Variants in DHTKD1 observed in about 807,000 individuals in gnomAD.
DHTKD1 encodes 2-oxoadipate dehydrogenase complex component E1.
DHTKD1 carries 78 observed loss-of-function variants against 101.8 expected under a neutral mutation model. That is an observed-to-expected ratio of 0.77 (90% CI 0.64 to 0.93). DHTKD1 has a LOEUF of 0.93. Among genes scored for constraint, DHTKD1 ranks in the 40% least tolerant of loss-of-function variants. DHTKD1 has a pLI of 0.00. For synonymous variants in DHTKD1, 462 were observed against 450.3 expected, an observed-to-expected ratio of 1.03 and a Z score of -0.33; for missense variants, 1,223 against 1,161.7, an observed-to-expected ratio of 1.05 and a Z score of -0.77.
chr10:12,107,286 G>A lies in DHTKD1; in HGVS notation c.2048-623G>A, dbSNP rs920695440. ...CGGGTGTGAGCCACTGTGCCCGGCC[G>A]GGAGCTGCCCATTCTTGTAAGAGTG... is the stretch of plus-strand genomic sequence containing the variant. On this transcript the variant is annotated intron_variant, in intron 11 of 16. Transcript: ENST00000263035. The surrounding 1 kb of genome is among the most constrained non-coding windows in gnomAD (Gnocchi z 4.1). Among the ~76,000 whole-genome samples, 3 of 148,734 alleles carry A rather than the reference G, an allele frequency of 2.0e-5. No homozygotes were observed. Among genetic ancestry groups the A allele is most frequent in the South Asian group, 2.1e-4 (1 of 4,688 alleles).
chr10:12,097,777 C>G lies in DHTKD1; in HGVS notation c.1452C>G (p.Tyr484Ter), dbSNP rs778217501. The change falls in exon 8 of 17, where the codon TAC becomes TAG. Residue 484 changes from tyrosine to a stop codon, truncating the protein, a stop_gained. Coordinates refer to ENST00000263035, the MANE Select transcript of DHTKD1 (RefSeq NM_018706.7). LOFTEE classifies it high-confidence loss of function. ...AGGTGTCTGAAATAAAATCCTCCTA[C>G]TATGCCAAGTTGAATGATCACTTAA... ...QEEVSEIKSS[Y>*]YAKLNDHLNN... The G allele has an allele frequency of 6.2e-6, 10 of 1,614,106 alleles. No homozygotes were observed. The highest frequency in any genetic ancestry group is 7.6e-6 in the Non-Finnish European group (9 of 1,180,038).
At position 12,089,082 on chromosome 10, in the gene DHTKD1, T is replaced by G. The variant is rs3740015; in HGVS notation, c.814T>G (p.Tyr272Asp). The G allele has an allele frequency of 0.57, 926,849 of 1,613,602 alleles. 272,936 individuals carry two copies. Among genetic ancestry groups the G allele is most frequent in the South Asian group, 0.72 (65,493 of 91,074 alleles). ...LSHLTSSVDL[Y>D]FGAHHPLHVT... Reference sequence around the variant, plus strand: ...TCACCTGACCTCCTCTGTGGACCTGTACTTTGGGGCGCACCATCCCCTCCA... The same window carrying G: ...TCACCTGACCTCCTCTGTGGACCTGGACTTTGGGGCGCACCATCCCCTCCA... Residue 272 changes from tyrosine (Y) to aspartate (D), a missense_variant, in exon 5 of 17, where the codon TAC becomes GAC. Coordinates refer to ENST00000263035, the MANE Select transcript of DHTKD1 (RefSeq NM_018706.7).
intron 5 of DHTKD1, 75 bp downstream of exon 5, chr10:12,089,330 G>A: frequency 1.5e-6 from 2 of 1,370,138 alleles, no homozygotes; most frequent in Non-Finnish European, 2.0e-6. Context: ...AGGGCTGAAA[G>A]CACATGGCAG....
intron 1 of DHTKD1, among the ~76,000 whole-genome samples, chr10:12,072,586 C>G (rs1005458031): frequency 1.3e-5 from 2 of 152,016 alleles, no homozygotes; most frequent in Non-Finnish European, 2.9e-5. Context: ...ACAATTTGAC[C>G]CATGATGAGT....
In DHTKD1 at chr10:12,120,432, C is replaced by T; in HGVS notation, c.2658+165C>T. 10 of 579,276 alleles carry T rather than the reference C, an allele frequency of 1.7e-5. No homozygotes were observed. In the South Asian group the frequency reaches 1.8e-4, roughly 10 times the overall value. 35.9% of individuals were successfully genotyped at this position (579,276 alleles called of 1,614,324 possible). On this transcript the variant is annotated intron_variant, in intron 16 of 16. Transcript: ENST00000263035. ...CACTGCAAGCTCCGCCCCCCGGGTTCACGCCATTCTCCTGCCTCAGCCTCC... is the reference window on the plus strand; with the variant it reads ...CACTGCAAGCTCCGCCCCCCGGGTTTACGCCATTCTCCTGCCTCAGCCTCC...
In DHTKD1 at chr10:12,108,477, T is replaced by C. The variant is rs567769837; in HGVS notation, c.2154+462T>C. ...TGTTTTTAGTAGAGATTGGTGTTCT[T>C]CCATGTTGGCCAGGCTAGTCTGAAA... On this transcript the variant is annotated intron_variant, in intron 12 of 16. Coordinates refer to ENST00000263035, the MANE Select transcript of DHTKD1 (RefSeq NM_018706.7). Among the ~76,000 whole-genome samples the C allele has an allele frequency of 4.5e-4, 68 of 152,040 alleles. No individual in the cohort carries two copies. In the Middle Eastern group the frequency reaches 0.02, roughly 46 times the overall value.
intron 6 of DHTKD1, among the ~76,000 whole-genome samples, chr10:12,093,296 A>G (rs1833020097): frequency 6.6e-6 from 1 of 152,136 alleles, no homozygotes; most frequent in Non-Finnish European, 1.5e-5. Context: ...CACCTGCCTC[A>G]GCCTCCCAGA....
intron 10 of DHTKD1, among the ~76,000 whole-genome samples, chr10:12,105,915 T>C (rs1461142649): frequency 2.0e-5 from 3 of 152,144 alleles, no homozygotes; most frequent in Non-Finnish European, 4.4e-5. Context: ...GCCAACATGC[T>C]GAAACCCTGT....
rs192357013 is a variant in DHTKD1 at position 12,110,114 on chromosome 10, C to T, written c.2154+2099C>T. Among the ~76,000 whole-genome samples, 202 of 152,112 alleles carry T rather than the reference C, an allele frequency of 1.3e-3. No individual in the cohort carries two copies. Among genetic ancestry groups the T allele is most frequent in the African/African-American group, 3.9e-3 (161 of 41,502 alleles). On this transcript the variant is annotated intron_variant, in intron 12 of 16. Coordinates refer to ENST00000263035, the MANE Select transcript of DHTKD1 (RefSeq NM_018706.7). This position sits in a 1 kb window ranked among gnomAD's most constrained non-coding sequence, Gnocchi z 4.9. ...GAGATGAAGACCATCCTGGCTAACA[C>T]GGTGAAACCCTGTGTCTACTAAAAA...
At chr10:12,085,369 A>T (rs1326062011) in intron 3 of DHTKD1, among the ~76,000 whole-genome samples, 1 of 152,150 alleles carries the variant, frequency 6.6e-6, no homozygotes, top group Non-Finnish European at 1.5e-5. Flanking sequence ...TCTGAGCTTA[A>T]ATCCCTCGTT....
chr10:12,114,902 TCTC>T (rs1833391015), intron 13 of DHTKD1, among the ~76,000 whole-genome samples: 1 of 151,980 alleles, frequency 6.6e-6, no homozygotes, highest in African/African-American at 2.4e-5. Flanking sequence ...TTCAGGCCAT[TCTC>T]CTGCCTCAGC....
At chr10:12,077,578 C>G (rs1832753473) in intron 1 of DHTKD1, among the ~76,000 whole-genome samples, 1 of 152,136 alleles carries the variant, frequency 6.6e-6, no homozygotes, top group African/African-American at 2.4e-5. Flanking sequence ...CATTCTTCTA[C>G]AATATTATTT....
At chr10:12,083,974 G>T (rs1832861365) in intron 2 of DHTKD1, among the ~76,000 whole-genome samples, 1 of 151,918 alleles carries the variant, frequency 6.6e-6, no homozygotes, top group Non-Finnish European at 1.5e-5. Flanking sequence ...CCAGGCTGGA[G>T]TGCAGTGGTG....
Position 12,084,618 on chromosome 10 carries a change from T to G in DHTKD1, c.389T>G (p.Ile130Ser), listed in dbSNP as rs1335007591. 1 of 1,613,924 alleles carries G rather than the reference T, an allele frequency of 6.2e-7. No individual in the cohort carries two copies. The highest frequency in any genetic ancestry group is 1.3e-5 in the African/African-American group (1 of 74,908). ...CTCAATCAAATCTACTGTGGGCAGA[T>G]TTCTATTGAAACCTCCCAACTTCAG... ...VYLNQIYCGQ[I>S]SIETSQLQSQ... is the part of the protein sequence containing the mutation. Residue 130 changes from isoleucine (I) to serine (S), a missense_variant, in exon 3 of 17, where the codon ATT becomes AGT. Transcript: ENST00000263035.
In DHTKD1 at chr10:12,112,862, C is replaced by T. The variant is rs756063135; in HGVS notation, c.2155-38C>T. On this transcript the variant is annotated intron_variant, in intron 12 of 16. Transcript: ENST00000263035. ...TGTCACTACGACTGAAATAGATGAT[C>T]TGAACATTCTTCTCCTTTCTTGCCA... 3 of 1,558,306 alleles carry T rather than the reference C, an allele frequency of 1.9e-6. No homozygotes were observed. In the South Asian group the frequency reaches 3.6e-5, roughly 19 times the overall value.
intron 1 of DHTKD1, among the ~76,000 whole-genome samples, chr10:12,080,937 C>T (rs535848547): frequency 4.4e-4 from 67 of 151,350 alleles, no homozygotes; most frequent in African/African-American, 1.6e-3. Flanking sequence ...TGTGGTGGTG[C>T]ACGCCTGTAG....
At chr10:12,089,947 A>G (rs1404584039) in intron 5 of DHTKD1, among the ~76,000 whole-genome samples, 1 of 150,426 alleles carries the variant, frequency 6.6e-6, no homozygotes, top group East Asian at 2.0e-4. Context: ...CTGAGATTAC[A>G]GGCATGAGCC....
chr10:12,096,596 C>G (rs958878100), intron 7 of DHTKD1, among the ~76,000 whole-genome samples: 2 of 152,192 alleles, frequency 1.3e-5, no homozygotes, highest in Admixed American at 1.3e-4. Flanking sequence ...GCCATCTGCC[C>G]GTCTCGGCCT....
intron 6 of DHTKD1, among the ~76,000 whole-genome samples, chr10:12,093,100 A>T (rs532649695): frequency 4.0e-5 from 6 of 151,302 alleles, no homozygotes; most frequent in South Asian, 4.2e-4. Flanking sequence ...CTGCAGTGCA[A>T]TGGCGCCATC....
Sources: gnomAD v4.1 joint callset for allele counts (sites outside exome capture counted in the v4.1 genomes callset) on GRCh38, gnomAD v4.1.1 for gene constraint, Gnocchi (gnomAD v3.1) non-coding constraint, MANE v1.5 for transcripts, NCBI Gene and HGNC (gene_info 2026-07-23, HGNC 2026-07-21) for gene names.